Variants in PPP3CA observed in about 807,000 individuals in gnomAD.
PPP3CA encodes the protein CAM-PRP catalytic subunit.
In PPP3CA, 14 loss-of-function variants were observed where a neutral mutation model predicts 66.5. That is an observed-to-expected ratio of 0.21 (90% confidence interval 0.14 to 0.33). The LOEUF (loss-of-function observed/expected upper bound fraction) is 0.33, where lower values mean the gene tolerates loss of function less well. Ranked by LOEUF, PPP3CA falls within the 10% of genes least tolerant of loss-of-function variation. The pLI, the probability that PPP3CA is intolerant of heterozygous loss-of-function variation, is 1.00. For missense variants in PPP3CA, 317 were observed against 639.5 expected (o/e 0.50, Z 5.44); for synonymous variants, 232 against 226.2 (o/e 1.03, Z -0.23).
intron 2 of PPP3CA, among the ~76,000 whole-genome samples, chr4:101,155,923 T>C (rs763218018): frequency 1.3e-4 from 20 of 152,234 alleles, no homozygotes; most frequent in Non-Finnish European, 1.9e-4. Context: ...CTAATATTCA[T>C]TGAGCTCTTA....
intron 8 of PPP3CA, among the ~76,000 whole-genome samples, chr4:101,069,041 T>C (rs1032602589): frequency 6.6e-6 from 1 of 152,144 alleles, no homozygotes; most frequent in Non-Finnish European, 1.5e-5. Flanking sequence ...TTTTTCTGTC[T>C]TTATTTTTCA....
In PPP3CA at chr4:101,298,841, C is replaced by CTGTGTG. The variant is rs57507050; in HGVS notation, c.58+47892_58+47897dup. 2.4e-3 allele frequency among the ~76,000 whole-genome samples: 341 copies of CTGTGTG among 140,080 alleles called. 1 individual carries two copies. The highest frequency in any genetic ancestry group is 3.7e-3 in the Middle Eastern group (1 of 272). The allele number at this position is 140,080 out of a possible 152,430, so 91.9% of individuals were successfully genotyped here. A position where few individuals can be genotyped will look rare whatever the true frequency, so the allele number is the denominator to read the frequency against. On this transcript the variant is annotated intron_variant, in intron 1 of 13. Transcript: ENST00000394854. ...AGTCCCCAAATTGTTCAAGGGTCTA[C>CTGTGTG]TGTGTGTGTGTGTGTGTGTGTGTGT...
At chr4:101,307,881 A>G (rs1214053615) in intron 1 of PPP3CA, among the ~76,000 whole-genome samples, 1 of 152,208 alleles carries the variant, frequency 6.6e-6, no homozygotes, top group Non-Finnish European at 1.5e-5. Context: ...TTATACTCCA[A>G]TTCCATGTTA....
chr4:101,322,344 G>A (rs1429860308), intron 1 of PPP3CA, among the ~76,000 whole-genome samples: 1 of 151,750 alleles, frequency 6.6e-6, no homozygotes, highest in East Asian at 1.9e-4. Flanking sequence ...ACGAGATTAG[G>A]AAGTGCCCTT....
intron 1 of PPP3CA, among the ~76,000 whole-genome samples, chr4:101,260,069 T>C (rs1726964068): frequency 6.6e-6 from 1 of 152,192 alleles, no homozygotes; most frequent in Admixed American, 6.6e-5. Context: ...AGCATTATTG[T>C]AAAATGCAGT....
chr4:101,322,657 G>A (rs907104660), intron 1 of PPP3CA, among the ~76,000 whole-genome samples: 2 of 151,994 alleles, frequency 1.3e-5, no homozygotes, highest in African/African-American at 2.4e-5. Flanking sequence ...TGATCCGTCC[G>A]ACCCAGCCTC....
At chr4:101,273,092 A>G (rs1340887150) in intron 1 of PPP3CA, among the ~76,000 whole-genome samples, 1 of 151,394 alleles carries the variant, frequency 6.6e-6, no homozygotes, top group African/African-American at 2.4e-5. Context: ...ATAAATTTTC[A>G]TTATTGATCC....
At chr4:101,177,561 A>G (rs913882306) in intron 2 of PPP3CA, among the ~76,000 whole-genome samples, 1 of 152,146 alleles carries the variant, frequency 6.6e-6, no homozygotes, top group Non-Finnish European at 1.5e-5. Flanking sequence ...AAGATCCTAA[A>G]CAAAACAACT....
intron 1 of PPP3CA, among the ~76,000 whole-genome samples, chr4:101,299,419 A>C (rs1221673198): frequency 1.4e-5 from 2 of 146,696 alleles, no homozygotes; most frequent in African/African-American, 2.5e-5. Context: ...ACAGGGTCTC[A>C]CAATGTTGCC....
At chr4:101,102,099 T>C (rs1186180132) in intron 3 of PPP3CA, among the ~76,000 whole-genome samples, 1 of 152,222 alleles carries the variant, frequency 6.6e-6, no homozygotes, top group Non-Finnish European at 1.5e-5. Context: ...TTCTATCCTA[T>C]ATATTTACAC....
chr4:101,173,259 G>A (rs1387814881), intron 2 of PPP3CA, among the ~76,000 whole-genome samples: 5 of 152,112 alleles, frequency 3.3e-5, no homozygotes, highest in African/African-American at 4.8e-5. Context: ...ACATTTCAAT[G>A]AGGAATAGAT....
chr4:101,055,467 A>G (rs1728186351), intron 10 of PPP3CA, among the ~76,000 whole-genome samples: 1 of 152,206 alleles, frequency 6.6e-6, no homozygotes, highest in Non-Finnish European at 1.5e-5. Context: ...CATATAAATT[A>G]GATCATCAAA....
intron 2 of PPP3CA, among the ~76,000 whole-genome samples, chr4:101,123,430 G>C (rs542159099): frequency 1.3e-5 from 2 of 152,266 alleles, no homozygotes; most frequent in South Asian, 4.1e-4. Flanking sequence ...GGACATGAAA[G>C]GGAATGTTGC....
intron 5 of PPP3CA, 130 bp downstream of exon 5, chr4:101,098,237 C>A (rs1024425562): frequency 2.0e-6 from 2 of 984,286 alleles, no homozygotes; most frequent in East Asian, 3.3e-5. Context: ...CACAAAGGAG[C>A]GATTCATGAC....
chr4:101,260,773 TATCATCAGGTAAATTATCCAC>T (rs1726987077), intron 1 of PPP3CA, among the ~76,000 whole-genome samples: 1 of 152,116 alleles, frequency 6.6e-6, no homozygotes, highest in South Asian at 2.1e-4. Context: ...TCTCAGTCAT[TATCATCAGGTAAATTATCCAC>T]ATAAAAGGTA....
At chr4:101,125,365 A>G (rs1280933091) in intron 2 of PPP3CA, among the ~76,000 whole-genome samples, 1 of 152,180 alleles carries the variant, frequency 6.6e-6, no homozygotes, top group East Asian at 1.9e-4. Context: ...AGTATCTTCT[A>G]AATCACATCC....
chr4:101,094,478 C>T (rs1268012775), intron 5 of PPP3CA, among the ~76,000 whole-genome samples: 3 of 152,068 alleles, frequency 2.0e-5, no homozygotes, highest in Non-Finnish European at 4.4e-5. Flanking sequence ...TAGCCACTTG[C>T]TATATGATAT....
chr4:101,164,240 C>A (rs1224258909), intron 2 of PPP3CA, among the ~76,000 whole-genome samples: 7 of 143,598 alleles, frequency 4.9e-5, no homozygotes, highest in African/African-American at 1.9e-4. Flanking sequence ...TCCCTTATCC[C>A]ACCCCATACA....
At chr4:101,078,826 A>G (rs1391285753) in intron 8 of PPP3CA, among the ~76,000 whole-genome samples, 1 of 152,208 alleles carries the variant, frequency 6.6e-6, no homozygotes, top group African/African-American at 2.4e-5. Flanking sequence ...TTTAGCAGTG[A>G]ATCACTGACT....
Sources: gnomAD v4.1 joint callset for allele counts (sites outside exome capture counted in the v4.1 genomes callset) on GRCh38, gnomAD v4.1.1 for gene constraint, MANE v1.5 for transcripts, NCBI Gene and HGNC (gene_info 2026-07-23, HGNC 2026-07-21) for gene names.